The following BNIP2 variants were observed in gnomAD, a reference collection of about 807,000 sequenced individuals.
BNIP2 encodes the protein BCL2/adenovirus E1B 19 kDa protein-interacting protein 2.
BNIP2 carries 36 observed loss-of-function variants against 43.4 expected under a neutral mutation model. The ratio of observed to expected loss-of-function variants is 0.83; its 90% CI spans 0.64 to 1.10. BNIP2 has a LOEUF of 1.10. Ranked by LOEUF, BNIP2 falls within the 50% of genes least tolerant of loss-of-function variation. The pLI, the probability that BNIP2 is intolerant of heterozygous loss-of-function variation, is 0.00. For missense variants in BNIP2, 417 were observed against 374.1 expected (o/e 1.11, Z -0.95); for synonymous variants, 146 against 121.0 (o/e 1.21, Z -1.35).
At chr15:59,688,695 T>G (rs1894180345) in intron 1 of BNIP2, 1 of 1,534,380 alleles carries the variant, frequency 6.5e-7, no homozygotes, top group African/African-American at 1.4e-5. Flanking sequence ...TTACTTATGC[T>G]GCTTCCGTGT....
At chr15:59,677,773 T>C (rs1893398932) in intron 5 of BNIP2, 138 bp downstream of exon 5, 1 of 1,224,660 alleles carries the variant, frequency 8.2e-7, no homozygotes, top group South Asian at 2.2e-5. Flanking sequence ...AGAAATGTCC[T>C]ACAAAAGACG....
At chr15:59,680,987 T>C (rs1242415211) in intron 2 of BNIP2, among the ~76,000 whole-genome samples, 1 of 152,212 alleles carries the variant, frequency 6.6e-6, no homozygotes, top group Non-Finnish European at 1.5e-5. Flanking sequence ...AAATTCCTTA[T>C]GCAACAGCTC....
chr15:59,684,061 T>C (rs8024119), intron 1 of BNIP2, among the ~76,000 whole-genome samples: 1 of 152,224 alleles, frequency 6.6e-6, no homozygotes, highest in Non-Finnish European at 1.5e-5. Flanking sequence ...AAAAGCCTTA[T>C]GTTCCGTAAT....
chr15:59,672,638 T>C lies in BNIP2; in HGVS notation c.574A>G (p.Lys192Glu). The C allele has an allele frequency of 6.2e-7, 1 of 1,608,654 alleles. No homozygotes were observed. The change falls in exon 6 of 10, where the codon AAA (lysine) becomes GAA (glutamate). Residue 192 changes from lysine to glutamate, a missense_variant and splice_region_variant. Coordinates refer to ENST00000607373, the MANE Select transcript of BNIP2 (RefSeq NM_004330.4). ...NYRYLMDNLF[K>E]YVIGTLELLV... is the part of the protein sequence containing the mutation. ...TGTTTTTGTTTAATATATACTTACT[T>C]AAAAAGATTGTCCATCAGGTATCTA... is the stretch of plus-strand genomic sequence containing the variant.
intron 9 of BNIP2, among the ~76,000 whole-genome samples, chr15:59,664,585 G>A (rs1173873317): frequency 6.6e-6 from 1 of 151,918 alleles, no homozygotes; most frequent in African/African-American, 2.4e-5. Flanking sequence ...GTTTCACCAT[G>A]TTAGCCAGGA....
intron 4 of BNIP2, 179 bp downstream of exon 4, chr15:59,679,412 AG>A: frequency 1.9e-6 from 1 of 525,224 alleles, no homozygotes; most frequent in Non-Finnish European, 3.1e-6. Flanking sequence ...GGCAAATAAG[AG>A]GGGAAAAAAG....
At chr15:59,673,157 C>T (rs1893042710) in intron 5 of BNIP2, among the ~76,000 whole-genome samples, 2 of 147,806 alleles carry the variant, frequency 1.4e-5, no homozygotes, top group Non-Finnish European at 1.5e-5. Flanking sequence ...CTCGTTCTGT[C>T]GTCCAGGCTG....
intron 9 of BNIP2, among the ~76,000 whole-genome samples, chr15:59,667,765 A>G (rs1892650537): frequency 6.6e-6 from 1 of 152,252 alleles, no homozygotes; most frequent in African/African-American, 2.4e-5. Context: ...TTTAAAGAAA[A>G]TGGTGAAACA....
intron 2 of BNIP2, among the ~76,000 whole-genome samples, chr15:59,682,163 T>C (rs1342989238): frequency 6.6e-6 from 1 of 151,830 alleles, no homozygotes; most frequent in Non-Finnish European, 1.5e-5. Flanking sequence ...ACCGTCTCTA[T>C]TAAAAATACA....
At chr15:59,686,209 C>T (rs1179867619) in intron 1 of BNIP2, among the ~76,000 whole-genome samples, 2 of 152,178 alleles carry the variant, frequency 1.3e-5, no homozygotes, top group African/African-American at 4.8e-5. Flanking sequence ...CAGGATGAAG[C>T]AGCTTTCCCC....
At position 59,689,261 on chromosome 15, in the gene BNIP2, G is replaced by T; in HGVS notation, c.-184C>A. On this transcript the variant is annotated 5_prime_UTR_variant, in exon 1 of 10. Transcript: ENST00000607373. Reference sequence around the variant, plus strand: ...CCCCTCGGTCGGCGGTGGAGACCCCGGCCCAATCCCCCGGCCGCAGCGGTA... The same window carrying T: ...CCCCTCGGTCGGCGGTGGAGACCCCTGCCCAATCCCCCGGCCGCAGCGGTA... The T allele has an allele frequency of 6.5e-7, 1 of 1,544,542 alleles. No homozygotes were observed.
chr15:59,685,119 A>G (rs545011296), intron 1 of BNIP2, among the ~76,000 whole-genome samples: 1 of 152,346 alleles, frequency 6.6e-6, no homozygotes, highest in East Asian at 1.9e-4. Context: ...CTCACTGGTA[A>G]GAGGAAAGGT....
Position 59,660,655 on chromosome 15 carries a change from G to T in BNIP2, c.*3414C>A, listed in dbSNP as rs1892206347. On this transcript the variant is annotated 3_prime_UTR_variant, in exon 10 of 10. Transcript: ENST00000607373. ...CAGATCTCTTACCTTTTTAAATTCT[G>T]GAATTACGGTTAAAAAAATTCTAGC... 6.6e-6 allele frequency: 1 copy of T among 152,046 alleles called. No homozygotes were observed. Among genetic ancestry groups the T allele is most frequent in the African/African-American group, 2.4e-5 (1 of 41,364 alleles). The allele number at this position is 152,046 out of a possible 1,614,324, so 9.4% of individuals were successfully genotyped here. A position where few individuals can be genotyped will look rare whatever the true frequency, so the allele number is the denominator to read the frequency against.
chr15:59,665,099 A>C (rs1892489063), intron 9 of BNIP2, among the ~76,000 whole-genome samples: 1 of 151,726 alleles, frequency 6.6e-6, no homozygotes, highest in South Asian at 2.1e-4. Context: ...CCCCATCTCT[A>C]CTAAAAATAC....
intron 9 of BNIP2, among the ~76,000 whole-genome samples, chr15:59,666,729 T>C (rs1892589204): frequency 6.6e-6 from 1 of 152,076 alleles, no homozygotes; most frequent in Admixed American, 6.5e-5. Flanking sequence ...CATTTTCAGA[T>C]TGACAAAAAT....
chr15:59,688,462 G>A (rs531345225), intron 1 of BNIP2: 4 of 379,000 alleles, frequency 1.1e-5, no homozygotes, highest in African/African-American at 4.2e-5. Context: ...AGGAGGCACC[G>A]TAACTATCTT....
At chr15:59,670,274 T>C (rs1452512988) in intron 7 of BNIP2, among the ~76,000 whole-genome samples, 1 of 151,892 alleles carries the variant, frequency 6.6e-6, no homozygotes, top group Non-Finnish European at 1.5e-5. Flanking sequence ...CTACAAAAAA[T>C]ACAAAAATTA....
chr15:59,662,792 C>G lies in BNIP2; in HGVS notation c.*1277G>C, dbSNP rs1426649061. ...GCTTACCAGCTGTGTATGAGCCTTTCAAGTATATGACACAATATCAGATCA... is the reference window on the plus strand; with the variant it reads ...GCTTACCAGCTGTGTATGAGCCTTTGAAGTATATGACACAATATCAGATCA... On this transcript the variant is annotated 3_prime_UTR_variant, in exon 10 of 10. Transcript: ENST00000607373. 3 of 152,178 alleles carry G rather than the reference C, an allele frequency of 2.0e-5. No homozygotes were observed. Among genetic ancestry groups the G allele is most frequent in the South Asian group, 4.1e-4 (2 of 4,830 alleles). 9.4% of individuals were successfully genotyped at this position (152,178 alleles called of 1,614,324 possible).
At position 59,687,495 on chromosome 15, in the gene BNIP2, G is replaced by A. The variant is rs1354274794; in HGVS notation, c.-58+1640C>T. On this transcript the variant is annotated intron_variant, in intron 1 of 9. Transcript: ENST00000607373. ...GTCTCCCGAGTAGCTGGGATTGCAG[G>A]CACGAGCGACCATGCCTGGCTAATT... is the stretch of plus-strand genomic sequence containing the variant. Among the ~76,000 whole-genome samples, 4 of 152,114 alleles carry A rather than the reference G, an allele frequency of 2.6e-5. No individual in the cohort carries two copies. The East Asian group carries it at 5.8e-4, about 22-fold the overall frequency.
Sources: gnomAD v4.1 joint callset for allele counts (sites outside exome capture counted in the v4.1 genomes callset) on GRCh38, gnomAD v4.1.1 for gene constraint, MANE v1.5 for transcripts, NCBI Gene and HGNC (gene_info 2026-07-23, HGNC 2026-07-21) for gene names.